UBE2K: variants seen among roughly 807,000 people sequenced by gnomAD.
UBE2K encodes the protein ubiquitin conjugating enzyme E2 K.
A neutral mutation model predicts 30.0 loss-of-function variants in UBE2K; 6 were observed. The observed-to-expected ratio is 0.20, with a 90% CI of 0.11 to 0.39. UBE2K has a LOEUF of 0.39. UBE2K is among the 10% of genes least tolerant of loss of function. UBE2K has a pLI of 1.00. For synonymous variants in UBE2K, 86 were observed against 83.7 expected, an observed-to-expected ratio of 1.03 and a Z score of -0.15; for missense variants, 61 against 241.6, an observed-to-expected ratio of 0.25 and a Z score of 4.96.
rs1713466905 is a variant in UBE2K at position 39,779,270 on chromosome 4, T to C, written c.*836T>C. 6.6e-6 allele frequency: 1 copy of C among 152,200 alleles called. No homozygotes were observed. Among genetic ancestry groups the C allele is most frequent in the South Asian group, 2.1e-4 (1 of 4,836 alleles). 9.4% of individuals were successfully genotyped at this position (152,200 alleles called of 1,614,324 possible). On this transcript the variant is annotated 3_prime_UTR_variant, in exon 7 of 7. Coordinates refer to ENST00000261427, the MANE Select transcript of UBE2K (RefSeq NM_005339.5). The stretch of plus-strand genomic sequence containing the variant: ...TCTTGCAAAAATAGTAAATACTTGA[T>C]GTTACATTATTCCCAGGTTTAATGA...
intron 1 of UBE2K, among the ~76,000 whole-genome samples, chr4:39,721,432 C>T (rs975727723): frequency 2.0e-5 from 3 of 152,140 alleles, no homozygotes; most frequent in Non-Finnish European, 2.9e-5. Flanking sequence ...CAGCTCACTG[C>T]GGCCTCAAAC....
At chr4:39,747,706 T>C (rs1354404909) in intron 3 of UBE2K, among the ~76,000 whole-genome samples, 1 of 152,172 alleles carries the variant, frequency 6.6e-6, no homozygotes, top group Non-Finnish European at 1.5e-5. Flanking sequence ...AAGCTCTGCC[T>C]CCTGGGTTCA....
chr4:39,707,970 C>T (rs1038814965), intron 1 of UBE2K, among the ~76,000 whole-genome samples: 1 of 151,892 alleles, frequency 6.6e-6, no homozygotes, highest in Non-Finnish European at 1.5e-5. Flanking sequence ...AATCTCAGCT[C>T]ATTGCAACCT....
chr4:39,755,506 G>A (rs1309181853), intron 3 of UBE2K, 151 bp from the exon 4 acceptor site: 1 of 585,590 alleles, frequency 1.7e-6, no homozygotes, highest in African/African-American at 1.9e-5. Flanking sequence ...TGGATCCTTT[G>A]TCTTCTACAC....
intron 4 of UBE2K, chr4:39,771,228 C>G: frequency 6.2e-7 from 1 of 1,612,194 alleles, no homozygotes; most frequent in Non-Finnish European, 8.5e-7. Context: ...GGGAGACCTG[C>G]AGCTCCGAGC....
Position 39,780,728 on chromosome 4 carries a change from T to C in UBE2K, c.*2294T>C, listed in dbSNP as rs1713563259. Reference sequence around the variant, plus strand: ...GTATATTTCCCACTGTACTGTTTGGTTTTTGTTATTCTCTTGTCTGTGGGT... The same window carrying C: ...GTATATTTCCCACTGTACTGTTTGGCTTTTGTTATTCTCTTGTCTGTGGGT... On this transcript the variant is annotated 3_prime_UTR_variant, in exon 7 of 7. Transcript: ENST00000261427. 6.6e-6 allele frequency: 1 copy of C among 152,128 alleles called. No homozygotes were observed. Among genetic ancestry groups the C allele is most frequent in the Non-Finnish European group, 1.5e-5 (1 of 67,980 alleles). 9.4% of individuals were successfully genotyped at this position (152,128 alleles called of 1,614,324 possible).
intron 1 of UBE2K, among the ~76,000 whole-genome samples, chr4:39,718,084 T>C (rs1355375080): frequency 6.6e-6 from 1 of 152,202 alleles, no homozygotes; most frequent in East Asian, 1.9e-4. Context: ...GGGTTGCCAC[T>C]GCTGGCTCAG....
intron 1 of UBE2K, among the ~76,000 whole-genome samples, chr4:39,728,660 CAG>C (rs1218778174): frequency 6.6e-6 from 1 of 151,008 alleles, no homozygotes; most frequent in South Asian, 2.1e-4. Flanking sequence ...TCTTTTGAGA[CAG>C]AGTCTCGCTC....
At chr4:39,702,182 A>G (rs1369413375) in intron 1 of UBE2K, among the ~76,000 whole-genome samples, 1 of 142,740 alleles carries the variant, frequency 7.0e-6, no homozygotes, top group African/African-American at 2.6e-5. Context: ...TTGGTTTTTC[A>G]TGTTGTAATT....
rs1360029826 is a variant in UBE2K, at chr4:39,705,088, G to A, written c.63+6698G>A. Among the ~76,000 whole-genome samples, 5 of 150,656 alleles carry A rather than the reference G, an allele frequency of 3.3e-5. 1 individual carries two copies. The highest frequency in any genetic ancestry group is 7.4e-5 in the Non-Finnish European group (5 of 67,672). The stretch of plus-strand genomic sequence containing the variant: ...TTGTTTTTGTATTTTTAGTAGAGAC[G>A]GGTTTTTACCGTATTGGCCAGGCTG... On this transcript the variant is annotated intron_variant, in intron 1 of 6. Transcript: ENST00000261427.
intron 4 of UBE2K, among the ~76,000 whole-genome samples, chr4:39,763,202 C>G (rs936396433): frequency 6.6e-6 from 1 of 151,826 alleles, no homozygotes; most frequent in African/African-American, 2.4e-5. Flanking sequence ...CTTGGCCTCC[C>G]AAATTGCTGG....
chr4:39,767,959 G>A (rs1474072594), intron 4 of UBE2K, among the ~76,000 whole-genome samples: 1 of 152,106 alleles, frequency 6.6e-6, no homozygotes, highest in East Asian at 1.9e-4. Context: ...GTGCACTTAA[G>A]TGTTGTATAT....
At chr4:39,710,855 T>C (rs1243893057) in intron 1 of UBE2K, among the ~76,000 whole-genome samples, 1 of 152,108 alleles carries the variant, frequency 6.6e-6, no homozygotes, top group East Asian at 1.9e-4. Context: ...AACATCTTTA[T>C]ATCTGTGGTC....
intron 4 of UBE2K, among the ~76,000 whole-genome samples, chr4:39,774,498 A>G (rs1053117672): frequency 6.6e-6 from 1 of 151,808 alleles, no homozygotes; most frequent in South Asian, 2.1e-4. Flanking sequence ...CTGTAGTCTC[A>G]GCTACTCTGA....
At chr4:39,762,165 C>T (rs1044654878) in intron 4 of UBE2K, among the ~76,000 whole-genome samples, 3 of 147,036 alleles carry the variant, frequency 2.0e-5, no homozygotes, top group Non-Finnish European at 4.4e-5. Context: ...GGCTACAGAG[C>T]GAGACTCCCA....
intron 4 of UBE2K, among the ~76,000 whole-genome samples, chr4:39,771,959 C>T (rs1482091909): frequency 6.6e-6 from 1 of 152,122 alleles, no homozygotes; most frequent in Non-Finnish European, 1.5e-5. Context: ...CTGCCTCAGC[C>T]CCTCAAGTAA....
At chr4:39,721,911 A>G (rs1719442446) in intron 1 of UBE2K, among the ~76,000 whole-genome samples, 1 of 152,090 alleles carries the variant, frequency 6.6e-6, no homozygotes, top group Admixed American at 6.6e-5. Context: ...CAACATGACA[A>G]AAGCCCGTCT....
Position 39,718,113 on chromosome 4 carries a change from C to CT in UBE2K, c.64-19305dup, listed in dbSNP as rs530888697. Among the ~76,000 whole-genome samples, 965 of 152,266 alleles carry CT rather than the reference C, an allele frequency of 6.3e-3. 11 individuals are homozygous for CT. The highest frequency in any genetic ancestry group is 6.0e-3 in the Non-Finnish European group (407 of 68,030). On this transcript the variant is annotated intron_variant, in intron 1 of 6. Coordinates refer to ENST00000261427, the MANE Select transcript of UBE2K (RefSeq NM_005339.5). ...GGCTCAGGCAGCCTGTTTTTATTCT[C>CT]TTATCTGGCCCCACGCACATCCTGC...
chr4:39,725,422 A>G (rs1358010797), intron 1 of UBE2K, among the ~76,000 whole-genome samples: 2 of 144,452 alleles, frequency 1.4e-5, no homozygotes, highest in African/African-American at 5.1e-5. Flanking sequence ...CTTGATAGTA[A>G]GGTTTCAGTA....
Sources: gnomAD v4.1 joint callset for allele counts (sites outside exome capture counted in the v4.1 genomes callset) on GRCh38, gnomAD v4.1.1 for gene constraint, MANE v1.5 for transcripts, NCBI Gene and HGNC (gene_info 2026-07-23, HGNC 2026-07-21) for gene names.